ATXN1: variants seen among roughly 807,000 people sequenced by gnomAD.
The protein encoded by ATXN1 is ataxin-1.
A neutral mutation model predicts 56.4 loss-of-function variants in ATXN1; 8 were observed. That is an observed-to-expected ratio of 0.14 (90% CI 0.08 to 0.26). ATXN1 has a LOEUF of 0.26. ATXN1 is among the 10% of genes least tolerant of loss of function. The probability of loss-of-function intolerance (pLI) is 1.00; values close to 1 mark genes in which losing one functional copy is unlikely to be tolerated. For synonymous variants in ATXN1, 514 were observed against 494.6 expected, an observed-to-expected ratio of 1.04 and a Z score of -0.52; for missense variants, 987 against 1,106.5, an observed-to-expected ratio of 0.89 and a Z score of 1.53.
chr6:16,581,044 G>T (rs1762517686), intron 4 of ATXN1, among the ~76,000 whole-genome samples: 1 of 151,978 alleles, frequency 6.6e-6, no homozygotes. Context: ...TTATGATATA[G>T]ATGTAGTCGA....
chr6:16,404,889 G>A lies in ATXN1; in HGVS notation c.-160-76419C>T, dbSNP rs891019000. 1.1e-4 allele frequency among the ~76,000 whole-genome samples: 17 copies of A among 151,970 alleles called. No individual in the cohort carries two copies. In the East Asian group the frequency reaches 1.9e-3, roughly 17 times the overall value. ...CAGATTTTGTATTAATAATAATCAC[G>A]TCTCCACTCACCTGTTTCTAGCCTG... On this transcript the variant is annotated intron_variant, in intron 6 of 7. Coordinates refer to ENST00000436367, the MANE Select transcript of ATXN1 (RefSeq NM_001128164.2).
chr6:16,549,417 A>T (rs186150452), intron 4 of ATXN1, among the ~76,000 whole-genome samples: 2 of 152,318 alleles, frequency 1.3e-5, no homozygotes, highest in African/African-American at 4.8e-5. Flanking sequence ...CAGCTTCATT[A>T]TAATCTTATG....
At chr6:16,575,969 T>C (rs1762413174) in intron 4 of ATXN1, among the ~76,000 whole-genome samples, 1 of 152,204 alleles carries the variant, frequency 6.6e-6, no homozygotes, top group Admixed American at 6.5e-5. Context: ...TCCAAGCCCC[T>C]GAATCTTCTA....
chr6:16,758,531 C>T (rs1358514969), intron 1 of ATXN1, among the ~76,000 whole-genome samples: 1 of 152,202 alleles, frequency 6.6e-6, no homozygotes, highest in Non-Finnish European at 1.5e-5. Flanking sequence ...TTCAGTGTCT[C>T]CCATCCAAAT....
intron 6 of ATXN1, among the ~76,000 whole-genome samples, chr6:16,441,094 TG>T (rs1371985960): frequency 1.3e-5 from 2 of 152,060 alleles, no homozygotes; most frequent in African/African-American, 2.4e-5. Context: ...ATCCAATTCA[TG>T]GGGTGAGGGC....
chr6:16,497,430 G>T (rs1259399888), intron 5 of ATXN1, among the ~76,000 whole-genome samples: 2 of 152,128 alleles, frequency 1.3e-5, no homozygotes, highest in African/African-American at 2.4e-5. Flanking sequence ...CGTTCTGTGG[G>T]CTTGGAGATC....
intron 3 of ATXN1, among the ~76,000 whole-genome samples, chr6:16,608,743 A>G (rs1329653012): frequency 2.0e-5 from 3 of 152,232 alleles, no homozygotes; most frequent in Non-Finnish European, 2.9e-5. Flanking sequence ...CCTGGGGACC[A>G]TTACAGGGAT....
At chr6:16,581,241 G>GTT (rs1413286162) in intron 4 of ATXN1, among the ~76,000 whole-genome samples, 1 of 151,548 alleles carries the variant, frequency 6.6e-6, no homozygotes, top group African/African-American at 2.4e-5. Flanking sequence ...GTGTGTGTGT[G>GTT]TGTGTGTGTG....
intron 6 of ATXN1, among the ~76,000 whole-genome samples, chr6:16,400,955 T>C (rs536436680): frequency 6.6e-6 from 1 of 151,966 alleles, no homozygotes; most frequent in African/African-American, 2.4e-5. Context: ...AAATGTACCA[T>C]AATATTAAAT....
chr6:16,450,964 A>T (rs1039117629), intron 6 of ATXN1, among the ~76,000 whole-genome samples: 1 of 152,202 alleles, frequency 6.6e-6, no homozygotes, highest in African/African-American at 2.4e-5. Flanking sequence ...TAGAACAAAG[A>T]TTAAAGTAGA....
chr6:16,469,531 G>T (rs1760174899), intron 6 of ATXN1, among the ~76,000 whole-genome samples: 1 of 152,202 alleles, frequency 6.6e-6, no homozygotes, highest in African/African-American at 2.4e-5. Context: ...TCAGGCCTCA[G>T]GAAAGAGGTC....
intron 6 of ATXN1, among the ~76,000 whole-genome samples, chr6:16,459,236 G>A (rs1759942644): frequency 6.6e-6 from 1 of 152,174 alleles, no homozygotes; most frequent in African/African-American, 2.4e-5. Context: ...CCTACTTGAG[G>A]AGGGAATCAA....
At chr6:16,677,081 T>C (rs982474363) in intron 2 of ATXN1, among the ~76,000 whole-genome samples, 2 of 152,170 alleles carry the variant, frequency 1.3e-5, no homozygotes, top group African/African-American at 2.4e-5. Context: ...CAAAGCACCA[T>C]GGGAAATGTA....
intron 4 of ATXN1, among the ~76,000 whole-genome samples, chr6:16,551,724 A>T (rs1370593601): frequency 6.6e-6 from 1 of 152,062 alleles, no homozygotes; most frequent in Admixed American, 6.5e-5. Flanking sequence ...CAAGATGCAG[A>T]TCTGTTTTTC....
At chr6:16,503,673 G>A (rs1251517131) in intron 5 of ATXN1, among the ~76,000 whole-genome samples, 1 of 152,134 alleles carries the variant, frequency 6.6e-6, no homozygotes, top group Non-Finnish European at 1.5e-5. Flanking sequence ...TTGGAACACA[G>A]ATGTTGACCT....
intron 3 of ATXN1, among the ~76,000 whole-genome samples, chr6:16,639,657 G>A (rs989157124): frequency 1.3e-5 from 2 of 152,160 alleles, no homozygotes; most frequent in African/African-American, 4.8e-5. Flanking sequence ...AAGGGGCCAG[G>A]GAAGTGCAGC....
chr6:16,740,877 T>C (rs777763160), intron 2 of ATXN1, among the ~76,000 whole-genome samples: 6 of 152,178 alleles, frequency 3.9e-5, no homozygotes, highest in Non-Finnish European at 7.3e-5. Flanking sequence ...AAGGGGTAAC[T>C]GGGAATTGCA....
chr6:16,623,540 T>C (rs1465615733), intron 3 of ATXN1, among the ~76,000 whole-genome samples: 1 of 152,132 alleles, frequency 6.6e-6, no homozygotes, highest in East Asian at 1.9e-4. Context: ...CAATACCCCA[T>C]AAGAACAACA....
intron 7 of ATXN1, among the ~76,000 whole-genome samples, chr6:16,322,009 C>T (rs1248786178): frequency 6.6e-6 from 1 of 152,132 alleles, no homozygotes; most frequent in Non-Finnish European, 1.5e-5. Context: ...ATCGCTTGAG[C>T]CCAGGAGTTC....
Sources: gnomAD v4.1 joint callset for allele counts (sites outside exome capture counted in the v4.1 genomes callset) on GRCh38, gnomAD v4.1.1 for gene constraint, MANE v1.5 for transcripts, NCBI Gene and HGNC (gene_info 2026-07-23, HGNC 2026-07-21) for gene names.